The following SLC5A7 variants were observed in gnomAD, a reference collection of about 807,000 sequenced individuals.
SLC5A7 encodes solute carrier family 5 member 7.
A neutral mutation model predicts 55.4 loss-of-function variants in SLC5A7; 19 were observed. That is an observed-to-expected ratio of 0.34 (90% confidence interval 0.24 to 0.50). The LOEUF is 0.50. Ranked by LOEUF, SLC5A7 falls within the 20% of genes least tolerant of loss-of-function variation. The pLI, the probability that SLC5A7 is intolerant of heterozygous loss-of-function variation, is 0.98. For missense variants in SLC5A7, 506 were observed against 705.3 expected (o/e 0.72, Z 3.20); for synonymous variants, 265 against 263.7 (o/e 1.00, Z -0.05).
intron 4 of SLC5A7, among the ~76,000 whole-genome samples, chr2:107,994,805 C>A (rs1677604749): frequency 1.3e-5 from 2 of 152,024 alleles, no homozygotes. Flanking sequence ...AAATTACCTG[C>A]TGAGGTATCA....
rs71309338 is a variant in SLC5A7, at chr2:108,001,672, C to CA, written c.598-208dup. On this transcript the variant is annotated intron_variant, in intron 5 of 8. Coordinates refer to ENST00000264047, the MANE Select transcript of SLC5A7 (RefSeq NM_021815.5). ...TGGGCGACAGAGCGAGACTCCGTCT[C>CA]AAAAAAAAAAAAAAAAAGAAAAGAA... 0.24 allele frequency among the ~76,000 whole-genome samples: 17,464 copies of CA among 74,054 alleles called. 1,395 individuals are homozygous for CA. The highest frequency in any genetic ancestry group is 0.32 in the Middle Eastern group (41 of 128). The allele number at this position is 74,054 out of a possible 152,430, so 48.6% of individuals were successfully genotyped here.
intron 4 of SLC5A7, among the ~76,000 whole-genome samples, chr2:107,994,844 A>G (rs1362760406): frequency 6.6e-6 from 1 of 152,206 alleles, no homozygotes; most frequent in Non-Finnish European, 1.5e-5. Flanking sequence ...TATATAACAA[A>G]ATACAAAATG....
Position 107,988,347 on chromosome 2 carries a change from C to A in SLC5A7, c.178+14C>A. 3.1e-6 allele frequency: 5 copies of A among 1,600,276 alleles called. No homozygotes were observed. The highest frequency in any genetic ancestry group is 4.3e-6 in the Non-Finnish European group (5 of 1,169,568). On this transcript the variant is annotated intron_variant, in intron 2 of 8. Transcript: ENST00000264047. ...TTACCATGACAGGTACGTTCAGACG[C>A]CGCCGGCTCCATGCAGTCCTCCCTT...
intron 3 of SLC5A7, among the ~76,000 whole-genome samples, chr2:107,992,640 CTG>C (rs2104341593): frequency 6.6e-6 from 1 of 152,248 alleles, no homozygotes; most frequent in Admixed American, 6.5e-5. Flanking sequence ...TTTATTGAAT[CTG>C]TGCTTATTCA....
intron 4 of SLC5A7, 38 bp from the exon 5 acceptor site, chr2:107,997,800 T>G: frequency 6.4e-7 from 1 of 1,566,260 alleles, no homozygotes. Context: ...AGAATCTGTC[T>G]GGGCACCTTG....
chr2:107,997,828 T>G lies in SLC5A7; in HGVS notation c.449-10T>G. 1 of 1,602,556 alleles carries G rather than the reference T, an allele frequency of 6.2e-7. No individual in the cohort carries two copies. The highest frequency in any genetic ancestry group is 8.5e-7 in the Non-Finnish European group (1 of 1,174,246). On this transcript the variant is annotated splice_polypyrimidine_tract_variant and intron_variant, in intron 4 of 8. Transcript: ENST00000264047. Reference sequence around the variant, plus strand: ...GCACCTTGACCACAGAACTCTCTTGTTTGTTTCAGGAGCCACCATCAGCGT... The same window carrying G: ...GCACCTTGACCACAGAACTCTCTTGGTTGTTTCAGGAGCCACCATCAGCGT...
chr2:108,006,377 A>ATTTT (rs35756712), intron 7 of SLC5A7, among the ~76,000 whole-genome samples, 175 bp downstream of exon 7: 6 of 119,294 alleles, frequency 5.0e-5, no homozygotes, highest in African/African-American at 1.3e-4. Flanking sequence ...AGCGGCCTCC[A>ATTTT]TTTTTTTTTT....
At chr2:108,004,129 T>C (rs1450243789) in intron 6 of SLC5A7, among the ~76,000 whole-genome samples, 2 of 152,154 alleles carry the variant, frequency 1.3e-5, no homozygotes, top group Non-Finnish European at 2.9e-5. Flanking sequence ...AGGACAAATA[T>C]TCAGTCCATT....
chr2:107,998,027 A>T, intron 5 of SLC5A7, 41 bp downstream of exon 5: 1 of 1,584,026 alleles, frequency 6.3e-7, no homozygotes, highest in South Asian at 1.2e-5. Flanking sequence ...TTTTTTCTGT[A>T]AAAGGTAATG....
rs72933295 is a variant in SLC5A7 at position 107,988,606 on chromosome 2, T to C, written c.178+273T>C. Among the ~76,000 whole-genome samples the C allele has an allele frequency of 9.5e-3, 1,454 of 152,252 alleles. 19 individuals carry two copies. The highest frequency in any genetic ancestry group is 0.03 in the African/African-American group (1,248 of 41,550). On this transcript the variant is annotated intron_variant, in intron 2 of 8. Transcript: ENST00000264047. ...AAACAAATCTTGGCTCCCTGGGCTA[T>C]TGAGTGGGTGGAAACAGAGTAAAAA...
chr2:107,988,106 AGAC>A lies in SLC5A7; in HGVS notation c.-49_-47del, dbSNP rs1393285702. On this transcript the variant is annotated splice_region_variant and 5_prime_UTR_variant, in exon 2 of 9. Transcript: ENST00000264047. Reference sequence around the variant, plus strand: ...AATGCATCCCTGTATTTTCTTCAGAAGACTTAATGAAGTAGCCAGCTGCAGAAG... The same window carrying A: ...AATGCATCCCTGTATTTTCTTCAGAATTAATGAAGTAGCCAGCTGCAGAAG... The A allele has an allele frequency of 6.3e-7, 1 of 1,581,010 alleles. No homozygotes were observed. The highest frequency in any genetic ancestry group is 1.4e-5 in the African/African-American group (1 of 74,068).
chr2:108,006,076 T>A lies in SLC5A7; in HGVS notation c.769T>A (p.Tyr257Asn). The A allele has an allele frequency of 6.2e-7, 1 of 1,614,148 alleles. No homozygotes were observed. Among genetic ancestry groups the A allele is most frequent in the Non-Finnish European group, 8.5e-7 (1 of 1,179,982 alleles). The change falls in exon 7 of 9, where the codon TAC becomes AAC. Residue 257 changes from tyrosine (Y) to asparagine (N), a missense_variant. Coordinates refer to ENST00000264047, the MANE Select transcript of SLC5A7 (RefSeq NM_021815.5). Reference sequence around the variant, plus strand: ...GCTGGGTGGAATCCCATGGCAAGCATACTTTCAGAGGGTTCTCTCTTCTTC... The same window carrying A: ...GCTGGGTGGAATCCCATGGCAAGCAAACTTTCAGAGGGTTCTCTCTTCTTC... ...LMLGGIPWQAYFQRVLSSSSA... is the reference protein window; with the variant it reads ...LMLGGIPWQANFQRVLSSSSA...
At position 107,991,816 on chromosome 2, in the gene SLC5A7, A is replaced by G. The variant is rs559216962; in HGVS notation, c.179-290A>G. On this transcript the variant is annotated intron_variant, in intron 2 of 8. Transcript: ENST00000264047. Reference sequence around the variant, plus strand: ...TAGAAATATAATATGAGCCACAAACATAATGTTACATTTTCTACAAACCTC... The same window carrying G: ...TAGAAATATAATATGAGCCACAAACGTAATGTTACATTTTCTACAAACCTC... Among the ~76,000 whole-genome samples, 412 of 152,340 alleles carry G rather than the reference A, an allele frequency of 2.7e-3. 2 individuals carry two copies. Among genetic ancestry groups the G allele is most frequent in the African/African-American group, 9.4e-3 (389 of 41,572 alleles).
In SLC5A7 at chr2:108,001,873, C is replaced by T. The variant is rs747114867; in HGVS notation, c.598-24C>T. 5 of 1,613,150 alleles carry T rather than the reference C, an allele frequency of 3.1e-6. No individual in the cohort carries two copies. The East Asian group carries it at 8.9e-5, about 29-fold the overall frequency. ...GACAGTTGAAAACCATCGCCTAGGG[C>T]TCCAGTGTCACTTTCTGTTGCAGTG... On this transcript the variant is annotated intron_variant, in intron 5 of 8. Coordinates refer to ENST00000264047, the MANE Select transcript of SLC5A7 (RefSeq NM_021815.5).
At chr2:107,988,443 G>C in intron 2 of SLC5A7, 110 bp downstream of exon 2, 2 of 908,864 alleles carry the variant, frequency 2.2e-6, no homozygotes, top group East Asian at 5.4e-5. Context: ...TGTCCTTTGG[G>C]GATTCTTTAT....
chr2:107,989,160 G>C (rs529934806), intron 2 of SLC5A7, among the ~76,000 whole-genome samples: 6 of 152,176 alleles, frequency 3.9e-5, no homozygotes, highest in Non-Finnish European at 8.8e-5. Flanking sequence ...AGAATTATAT[G>C]TTTAATATTT....
intron 6 of SLC5A7, among the ~76,000 whole-genome samples, chr2:108,003,116 G>T (rs1366167305): frequency 6.6e-6 from 1 of 152,138 alleles, no homozygotes; most frequent in Non-Finnish European, 1.5e-5. Context: ...CCTAAGGATT[G>T]TTGAGAAATC....
rs1400366738 is a variant in SLC5A7 at position 108,012,102 on chromosome 2, C to G, written c.*1241C>G. ...TAACATTTGATGTCTAGATAACATTCATGAGATTGGTCATTAAATACTATT... is the reference window on the plus strand; with the variant it reads ...TAACATTTGATGTCTAGATAACATTGATGAGATTGGTCATTAAATACTATT... On this transcript the variant is annotated 3_prime_UTR_variant, in exon 9 of 9. Transcript: ENST00000264047. 6.6e-6 allele frequency: 1 copy of G among 152,490 alleles called. No homozygotes were observed. Among genetic ancestry groups the G allele is most frequent in the East Asian group, 1.9e-4 (1 of 5,186 alleles). 9.4% of individuals were successfully genotyped at this position (152,490 alleles called of 1,614,324 possible).
intron 2 of SLC5A7, among the ~76,000 whole-genome samples, chr2:107,990,648 T>C (rs1214367879): frequency 6.6e-6 from 1 of 152,200 alleles, no homozygotes; most frequent in East Asian, 1.9e-4. Flanking sequence ...TAAATACGTA[T>C]TTGTCTCCAG....
Sources: allele counts gnomAD v4.1 joint callset (sites outside exome capture counted in the v4.1 genomes callset), GRCh38; gene constraint gnomAD v4.1.1; transcripts MANE v1.5; gene names NCBI Gene and HGNC (gene_info 2026-07-23, HGNC 2026-07-21).